MS4A13: variants seen among roughly 807,000 people sequenced by gnomAD.
MS4A13 encodes membrane-spanning 4-domains subfamily A member 13.
In MS4A13, 21 loss-of-function variants were observed where a neutral mutation model predicts 18.4. That is an observed-to-expected ratio of 1.14 (90% confidence interval 0.81 to 1.64). The LOEUF is 1.64. Ranked by LOEUF, MS4A13 falls within the 40% of genes most tolerant of loss-of-function variation. The probability of loss-of-function intolerance (pLI) is 0.00; values close to 1 mark genes in which losing one functional copy is unlikely to be tolerated. For synonymous variants in MS4A13, 62 were observed against 57.2 expected (o/e 1.08, Z -0.38); for missense variants, 173 against 176.8 (o/e 0.98, Z 0.12).
At chr11:60,526,230 T>G (rs148151107) in intron 5 of MS4A13, among the ~76,000 whole-genome samples, 1,851 of 152,266 alleles carry the variant, frequency 0.012, 38 homozygotes, top group African/African-American at 0.041. Context: ...CTGTAACAAG[T>G]GATTATGTAA....
rs549067916 is a variant in MS4A13, at chr11:60,540,281, A to G, written c.403-2238A>G. On this transcript the variant is annotated intron_variant, in intron 6 of 6. Transcript: ENST00000378186. Reference sequence around the variant, plus strand: ...CTTGTTCCAGCAAAACTTTATTTGCAAAAACGGGAGTGGGCTAGATTTGGT... The same window carrying G: ...CTTGTTCCAGCAAAACTTTATTTGCGAAAACGGGAGTGGGCTAGATTTGGT... Among the ~76,000 whole-genome samples, 7 of 152,342 alleles carry G rather than the reference A, an allele frequency of 4.6e-5. No individual in the cohort carries two copies. The East Asian group carries it at 1.3e-3, about 29-fold the overall frequency.
intron 5 of MS4A13, among the ~76,000 whole-genome samples, chr11:60,528,893 T>A (rs548133204): frequency 3.9e-5 from 6 of 152,246 alleles, no homozygotes; most frequent in Non-Finnish European, 8.8e-5. Context: ...TTAAATGATA[T>A]TAGAGCAATA....
chr11:60,527,751 G>A (rs901181835), intron 5 of MS4A13, among the ~76,000 whole-genome samples: 12 of 151,946 alleles, frequency 7.9e-5, no homozygotes, highest in African/African-American at 1.9e-4. Context: ...CACGAGAATC[G>A]CTTGAACCCA....
Position 60,529,462 on chromosome 11 carries a change from T to C in MS4A13, c.402+2T>C, listed in dbSNP as rs1323435188. 2.5e-6 allele frequency: 4 copies of C among 1,572,736 alleles called. No individual in the cohort carries two copies. Among genetic ancestry groups the C allele is most frequent in the Non-Finnish European group, 3.5e-6 (4 of 1,153,686 alleles). On this transcript the variant is annotated splice_donor_variant, in intron 6 of 6. Transcript: ENST00000378186. LOFTEE classifies it high-confidence loss of function. The stretch of plus-strand genomic sequence containing the variant: ...TCAATATACAGCTGTTCCAATTTGG[T>C]AAGTGTTTACCCACTCTCTGGCAAA...
At chr11:60,527,398 CTCTCTCTCTCTCTGTGTGTGTG>C (rs2086724242) in intron 5 of MS4A13, among the ~76,000 whole-genome samples, 2 of 93,292 alleles carry the variant, frequency 2.1e-5, no homozygotes, top group African/African-American at 4.8e-5. Context: ...CTCTCTCTCT[CTCTCTCTCTCTCTGTGTGTGTG>C]TGTGTGTGTG....
intron 6 of MS4A13, among the ~76,000 whole-genome samples, chr11:60,530,492 T>C (rs1004394117): frequency 6.6e-6 from 1 of 152,210 alleles, no homozygotes; most frequent in Non-Finnish European, 1.5e-5. Flanking sequence ...GAATGGCTGA[T>C]TGAGGACATG....
intron 6 of MS4A13, among the ~76,000 whole-genome samples, chr11:60,538,306 C>G (rs1012610233): frequency 6.6e-6 from 1 of 150,972 alleles, no homozygotes; most frequent in East Asian, 1.9e-4. Context: ...AAAGGCCATA[C>G]AGTTTTCGTT....
intron 6 of MS4A13, among the ~76,000 whole-genome samples, chr11:60,537,999 G>T: frequency 7.5e-6 from 1 of 132,902 alleles, no homozygotes; most frequent in South Asian, 2.7e-4. Flanking sequence ...GACACAGGAA[G>T]GGGAATATCA....
intron 6 of MS4A13, among the ~76,000 whole-genome samples, chr11:60,532,532 A>G (rs1182323724): frequency 6.6e-6 from 1 of 152,198 alleles, no homozygotes; most frequent in African/African-American, 2.4e-5. Flanking sequence ...CGCCCACGGA[A>G]TCTCGCTGAT....
intron 3 of MS4A13, among the ~76,000 whole-genome samples, chr11:60,522,106 C>T (rs1040585095): frequency 3.3e-5 from 5 of 152,048 alleles, no homozygotes; most frequent in Admixed American, 1.3e-4. Flanking sequence ...TTATCTCCCA[C>T]TGGGTCCCGC....
At chr11:60,527,400 CTCTCTCTCTCTGTG>C (rs2086724472) in intron 5 of MS4A13, among the ~76,000 whole-genome samples, 1 of 84,100 alleles carries the variant, frequency 1.2e-5, no homozygotes, top group African/African-American at 5.3e-5. Flanking sequence ...CTCTCTCTCT[CTCTCTCTCTCTGTG>C]TGTGTGTGTG....
At position 60,518,225 on chromosome 11, in the gene MS4A13, C is replaced by CAT. The variant is rs1339064150; in HGVS notation, c.129+20_129+21dup. On this transcript the variant is annotated intron_variant, in intron 3 of 6. Coordinates refer to ENST00000378186, the MANE Select transcript of MS4A13 (RefSeq NM_001012417.3). ...ATGGGGAATTTTTGTGAGTAGAATA[C>CAT]ATATATATTGCTTTAATCATACAAT... The CAT allele has an allele frequency of 1.3e-6, 2 of 1,588,022 alleles. No individual in the cohort carries two copies. Among genetic ancestry groups the CAT allele is most frequent in the African/African-American group, 1.4e-5 (1 of 74,068 alleles).
chr11:60,521,759 AG>A (rs1294500822), intron 3 of MS4A13, among the ~76,000 whole-genome samples: 6 of 152,186 alleles, frequency 3.9e-5, no homozygotes, highest in Non-Finnish European at 8.8e-5. Flanking sequence ...CCAGTTCCAA[AG>A]TCACTTCCAA....
In MS4A13 at chr11:60,529,734, CA is replaced by C. The variant is rs1219673221; in HGVS notation, c.402+281del. Among the ~76,000 whole-genome samples, 15 of 152,092 alleles carry C rather than the reference CA, an allele frequency of 9.9e-5. No homozygotes were observed. In the South Asian group the frequency reaches 2.9e-3, roughly 29 times the overall value. ...TCGTATCCACACATCCAATTCTATA[CA>C]AAAAAAGACGAATACACACACATTC... is the stretch of plus-strand genomic sequence containing the variant. On this transcript the variant is annotated intron_variant, in intron 6 of 6. Coordinates refer to ENST00000378186, the MANE Select transcript of MS4A13 (RefSeq NM_001012417.3).
chr11:60,538,097 C>T lies in MS4A13; in HGVS notation c.403-4422C>T, dbSNP rs1282937222. Among the ~76,000 whole-genome samples, 5 of 148,400 alleles carry T rather than the reference C, an allele frequency of 3.4e-5. No homozygotes were observed. In the Admixed American group the frequency reaches 3.4e-4, roughly 10 times the overall value. On this transcript the variant is annotated intron_variant, in intron 6 of 6. Transcript: ENST00000378186. ...ATGCTGGATGACACGTTGGTGGGTG[C>T]AGCGCACCAGCATGGCACATGTATA...
intron 6 of MS4A13, among the ~76,000 whole-genome samples, chr11:60,532,498 C>G (rs991805516): frequency 1.3e-5 from 2 of 152,244 alleles, no homozygotes; most frequent in African/African-American, 4.8e-5. Context: ...AGACTATATC[C>G]CACACCTGGC....
rs542134530 is a variant in MS4A13, at chr11:60,532,196, G to A, written c.402+2736G>A. Among the ~76,000 whole-genome samples the A allele has an allele frequency of 5.6e-4, 86 of 152,282 alleles. 1 individual carries two copies. In the South Asian group the frequency reaches 0.015, roughly 26 times the overall value. On this transcript the variant is annotated intron_variant, in intron 6 of 6. Transcript: ENST00000378186. ...AAGATGGCCGAATAGGAACAGCTCC[G>A]GTCTACAGCTCCCAGCATGAGCGAC...
At position 60,518,188 on chromosome 11, in the gene MS4A13, A is replaced by C. The variant is rs375739692; in HGVS notation, c.105A>C (p.Thr35=). 4 of 1,611,098 alleles carry C rather than the reference A, an allele frequency of 2.5e-6. No individual in the cohort carries two copies. The African/African-American group carries it at 4.0e-5, about 16-fold the overall frequency. Residue 35 remains threonine (T), a synonymous_variant, in exon 3 of 7, where the codon ACA becomes ACC. Transcript: ENST00000378186. The part of the protein sequence containing the change: ...FGTYEPVTYK[T]GCTLWGIFFI... ...CGTATGAACCTGTAACTTACAAAAC[A>C]GGATGTACTTTATGGGGAATTTTTG... is the stretch of plus-strand genomic sequence containing the variant.
chr11:60,531,075 C>T (rs2086762789), intron 6 of MS4A13, among the ~76,000 whole-genome samples: 1 of 152,136 alleles, frequency 6.6e-6, no homozygotes, highest in Non-Finnish European at 1.5e-5. Context: ...TACTACCCCA[C>T]CCTCAGATTC....
Sources: allele counts gnomAD v4.1 joint callset (sites outside exome capture counted in the v4.1 genomes callset), GRCh38; gene constraint gnomAD v4.1.1; transcripts MANE v1.5; gene names NCBI Gene and HGNC (gene_info 2026-07-23, HGNC 2026-07-21).